Variants in DPRX observed in about 807,000 individuals in gnomAD.
DPRX encodes divergent paired-related homeobox.
DPRX carries 11 observed loss-of-function variants against 8.4 expected under a neutral mutation model. That is an observed-to-expected ratio of 1.31 (90% CI 0.82 to 2.17). DPRX has a LOEUF of 2.17. Among genes scored for constraint, DPRX ranks in the 30% most tolerant of loss-of-function variants. The pLI, the probability that DPRX is intolerant of heterozygous loss-of-function variation, is 0.00. For missense variants in DPRX, 211 were observed against 236.7 expected (o/e 0.89, Z 0.71); for synonymous variants, 72 against 87.0 (o/e 0.83, Z 0.96).
the DPRX span, among the ~76,000 whole-genome samples, chr19:53,622,038 C>A: frequency 6.6e-6 from 1 of 151,976 alleles, no homozygotes; most frequent in African/African-American, 2.4e-5. Flanking sequence ...GTGACTCAGG[C>A]CTTTGTTTCT....
the DPRX span, chr19:53,606,792 G>A: frequency 1.3e-5 from 2 of 152,182 alleles, no homozygotes; most frequent in East Asian, 1.9e-4. This position sits in a 1 kb window ranked among gnomAD's most constrained non-coding sequence, Gnocchi z 4.8. Flanking sequence ...ACAGGTATAC[G>A]CACTGGGCCA....
At chr19:53,608,362 G>A in the DPRX span, 2 of 152,478 alleles carry the variant, frequency 1.3e-5, no homozygotes, top group African/African-American at 4.8e-5. Context: ...AGCCGGAGAA[G>A]ATGACGCAGC....
chr19:53,627,849 G>C (rs1243431069), upstream of DPRX, among the ~76,000 whole-genome samples: 1 of 151,006 alleles, frequency 6.6e-6, no homozygotes, highest in African/African-American at 2.4e-5. Flanking sequence ...TCAGGAGTTC[G>C]AGACCAGCCT....
the DPRX span, chr19:53,617,025 C>A: frequency 1.7e-6 from 2 of 1,194,710 alleles, no homozygotes; most frequent in East Asian, 2.3e-5. Flanking sequence ...CAGTAGCTTT[C>A]TTGGCCTACA....
the DPRX span, among the ~76,000 whole-genome samples, chr19:53,619,085 T>C: frequency 5.3e-5 from 8 of 152,120 alleles, no homozygotes; most frequent in Non-Finnish European, 1.2e-4. Context: ...TCTGCCTCCA[T>C]TCTGTTGATC....
the DPRX span, among the ~76,000 whole-genome samples, chr19:53,610,187 ATT>A: frequency 3.3e-5 from 1 of 30,332 alleles, no homozygotes; most frequent in Non-Finnish European, 7.6e-5. Context: ...GTGTGGTGGC[ATT>A]TATGCCTGTA....
At chr19:53,623,945 C>T in the DPRX span, among the ~76,000 whole-genome samples, 3 of 144,654 alleles carry the variant, frequency 2.1e-5, no homozygotes, top group Admixed American at 7.0e-5. Context: ...AGTGAAACTC[C>T]GTCTCAAAAA....
the DPRX span, among the ~76,000 whole-genome samples, chr19:53,619,399 G>A: frequency 7.2e-5 from 11 of 152,092 alleles, no homozygotes; most frequent in African/African-American, 2.7e-4. Context: ...AACAGGCCGG[G>A]TGCGGTGGCT....
chr19:53,615,648 A>C, the DPRX span, among the ~76,000 whole-genome samples: 1 of 151,886 alleles, frequency 6.6e-6, no homozygotes, highest in Admixed American at 6.6e-5. Flanking sequence ...TGTTATGGGA[A>C]ATCTTTTCCT....
chr19:53,634,963 C>T (rs2091106779), intron 2 of DPRX, among the ~76,000 whole-genome samples: 1 of 152,160 alleles, frequency 6.6e-6, no homozygotes, highest in Non-Finnish European at 1.5e-5. Context: ...CGAAGGCAGC[C>T]ACAGACAACG....
the DPRX span, among the ~76,000 whole-genome samples, chr19:53,609,594 C>T: frequency 4.0e-5 from 6 of 149,648 alleles, no homozygotes; most frequent in Admixed American, 1.3e-4. Context: ...GGCTGGCCAC[C>T]GTGGCTCACT....
chr19:53,623,305 T>TAAAAAAAAAAA, the DPRX span, among the ~76,000 whole-genome samples: 1 of 59,516 alleles, frequency 1.7e-5, no homozygotes, highest in African/African-American at 5.2e-5. Context: ...AGACTCTGTC[T>TAAAAAAAAAAA]CAAAAAAATA....
At chr19:53,608,372 C>T in the DPRX span, 2 of 152,456 alleles carry the variant, frequency 1.3e-5, no homozygotes, top group African/African-American at 4.8e-5. Flanking sequence ...GATGACGCAG[C>T]TCAGAACCAA....
the DPRX span, chr19:53,616,872 C>G: frequency 6.3e-7 from 1 of 1,580,576 alleles, no homozygotes; most frequent in Non-Finnish European, 8.7e-7. Flanking sequence ...AGAAGCCGCC[C>G]TGGCTGCACA....
chr19:53,601,270 A>T, the DPRX span: 6 of 455,990 alleles, frequency 1.3e-5, no homozygotes, highest in African/African-American at 1.2e-4. Context: ...CTCACCAATC[A>T]ACATCCAGAC....
the DPRX span, chr19:53,602,100 TCTCC>T: frequency 2.2e-6 from 1 of 456,560 alleles, no homozygotes; most frequent in Admixed American, 2.4e-5. Flanking sequence ...GTAGATCAGC[TCTCC>T]AGAGAACAGG....
At position 53,632,095 on chromosome 19, in the gene DPRX, C is replaced by A. The variant is rs776485998; in HGVS notation, c.-12C>A. On this transcript the variant is annotated 5_prime_UTR_variant, in exon 1 of 3. In the 5' UTR this introduces an upstream ATG that the reference lacks. Transcript: ENST00000376650. ...CCTGGACCTGAACCCAGGCGCACATCTGGATTAGAAGATGCCAGGCTCAGA... is the reference window on the plus strand; with the variant it reads ...CCTGGACCTGAACCCAGGCGCACATATGGATTAGAAGATGCCAGGCTCAGA... The A allele has an allele frequency of 6.2e-7, 1 of 1,613,792 alleles. No homozygotes were observed. The highest frequency in any genetic ancestry group is 2.2e-5 in the East Asian group (1 of 44,860).
chr19:53,632,338 T>C (rs1041405755), intron 1 of DPRX, among the ~76,000 whole-genome samples: 1 of 152,138 alleles, frequency 6.6e-6, no homozygotes, highest in Non-Finnish European at 1.5e-5. Context: ...TCTCACTCTG[T>C]CGCTCAGGCT....
the DPRX span, among the ~76,000 whole-genome samples, chr19:53,608,953 C>CAAAAAAAAAAAAAAA: frequency 1.3e-5 from 1 of 76,930 alleles, no homozygotes; most frequent in Non-Finnish European, 2.4e-5. Flanking sequence ...GAGACTCCGT[C>CAAAAAAAAAAAAAAA]AAAAAAAAAA....
Sources: allele counts gnomAD v4.1 joint callset (sites outside exome capture counted in the v4.1 genomes callset), GRCh38; gene constraint gnomAD v4.1.1; non-coding constraint Gnocchi (gnomAD v3.1); transcripts MANE v1.5; gene names NCBI Gene and HGNC (gene_info 2026-07-23, HGNC 2026-07-21).